Variants in THRB observed in about 807,000 individuals in gnomAD.
THRB encodes the protein thyroid hormone receptor beta.
A neutral mutation model predicts 47.8 loss-of-function variants in THRB; 12 were observed. The observed-to-expected ratio is 0.25, with a 90% CI of 0.16 to 0.41. The LOEUF (loss-of-function observed/expected upper bound fraction) is 0.41, where lower values mean the gene tolerates loss of function less well. THRB is among the 10% of genes least tolerant of loss of function. The pLI, the probability that THRB is intolerant of heterozygous loss-of-function variation, is 1.00. For missense variants in THRB, 348 were observed against 589.2 expected (o/e 0.59, Z 4.24); for synonymous variants, 218 against 212.2 (o/e 1.03, Z -0.24).
At chr3:24,381,246 T>C (rs191747795) in intron 1 of THRB, among the ~76,000 whole-genome samples, 3 of 152,138 alleles carry the variant, frequency 2.0e-5, no homozygotes, top group South Asian at 2.1e-4. Flanking sequence ...ATTTGAAAGA[T>C]TGTGGCCAAG....
Position 24,482,538 on chromosome 3 carries a change from CCTCT to C in THRB, c.-261+12110_-261+12113del, listed in dbSNP as rs10575358. ...TTCTTTCTTTCTTTCTTTCTGTCTC[CCTCT>C]CTCTCTCTCTCTCTCTCTCTCTCTC... is the stretch of plus-strand genomic sequence containing the variant. On this transcript the variant is annotated intron_variant, in intron 1 of 10. Transcript: ENST00000646209. Among the ~76,000 whole-genome samples, 1,249 of 130,882 alleles carry C rather than the reference CCTCT, an allele frequency of 9.5e-3. 11 individuals carry two copies. Among genetic ancestry groups the C allele is most frequent in the South Asian group, 0.031 (114 of 3,736 alleles). 85.9% of individuals were successfully genotyped at this position (130,882 alleles called of 152,430 possible). A position where few individuals can be genotyped will look rare whatever the true frequency, so the allele number is the denominator to read the frequency against.
At chr3:24,217,624 C>A (rs2046708616) in intron 4 of THRB, among the ~76,000 whole-genome samples, 1 of 151,930 alleles carries the variant, frequency 6.6e-6, no homozygotes. Flanking sequence ...TTAAGGGAAG[C>A]CAGTGCTTTT....
intron 3 of THRB, among the ~76,000 whole-genome samples, chr3:24,254,995 A>T (rs1365398448): frequency 6.6e-6 from 1 of 152,222 alleles, no homozygotes; most frequent in East Asian, 1.9e-4. Context: ...GTTAGGAAAC[A>T]TACTGCACTT....
chr3:24,250,122 G>T (rs76142383), intron 3 of THRB, among the ~76,000 whole-genome samples: 2,454 of 152,216 alleles, frequency 0.016, 57 homozygotes, highest in African/African-American at 0.055. Flanking sequence ...AATCCAGAAA[G>T]AAGAAATTAA....
Position 24,200,344 on chromosome 3 carries a change from G to A in THRB, c.23-10010C>T, listed in dbSNP as rs556925885. Among the ~76,000 whole-genome samples, 8 of 152,176 alleles carry A rather than the reference G, an allele frequency of 5.3e-5. No individual in the cohort carries two copies. The South Asian group carries it at 1.5e-3, about 28-fold the overall frequency. On this transcript the variant is annotated intron_variant, in intron 4 of 10. Transcript: ENST00000646209. ...CCCCTTTTCAGGGTAGAAAATACAC[G>A]TGAATCTTTTCTGACTTTGGAAACT...
chr3:24,370,134 G>A lies in THRB; in HGVS notation c.-260-32763C>T, dbSNP rs141181612. Among the ~76,000 whole-genome samples the A allele has an allele frequency of 7.2e-4, 110 of 152,166 alleles. 2 individuals are homozygous for A. Among genetic ancestry groups the A allele is most frequent in the African/African-American group, 2.5e-3 (104 of 41,526 alleles). ...CACATTTTTTAGGGGGATATTTTAC[G>A]ACTGAGACTGCTTAGAACGGGGCAT... is the stretch of plus-strand genomic sequence containing the variant. On this transcript the variant is annotated intron_variant, in intron 1 of 10. Coordinates refer to ENST00000646209, the MANE Select transcript of THRB (RefSeq NM_001354712.2).
intron 4 of THRB, among the ~76,000 whole-genome samples, chr3:24,210,422 TG>T (rs2045902038): frequency 6.6e-6 from 1 of 152,024 alleles, no homozygotes; most frequent in Non-Finnish European, 1.5e-5. Context: ...TTTTTTTTTT[TG>T]CTTCTGTGGG....
At chr3:24,177,200 G>A (rs1251477891) in intron 5 of THRB, among the ~76,000 whole-genome samples, 1 of 152,132 alleles carries the variant, frequency 6.6e-6, no homozygotes, top group Non-Finnish European at 1.5e-5. Context: ...CAAGTGTTAA[G>A]TGAACATGGA....
At chr3:24,369,255 T>C (rs2064729091) in intron 1 of THRB, among the ~76,000 whole-genome samples, 1 of 152,158 alleles carries the variant, frequency 6.6e-6, no homozygotes, top group South Asian at 2.1e-4. Context: ...ATCTACTATA[T>C]GAAACATATG....
intron 4 of THRB, among the ~76,000 whole-genome samples, chr3:24,204,951 G>C (rs2149776093): frequency 6.6e-6 from 1 of 152,190 alleles, no homozygotes; most frequent in South Asian, 2.1e-4. Context: ...GAAGTTTAGA[G>C]AAAAAAGAGT....
At chr3:24,199,459 G>A (rs1442121834) in intron 4 of THRB, among the ~76,000 whole-genome samples, 1 of 152,194 alleles carries the variant, frequency 6.6e-6, no homozygotes, top group Non-Finnish European at 1.5e-5. Flanking sequence ...TGCTATCACA[G>A]AGTGCTTCTC....
In THRB at chr3:24,204,852, G is replaced by A. The variant is rs185957185; in HGVS notation, c.23-14518C>T. Among the ~76,000 whole-genome samples the A allele has an allele frequency of 5.8e-3, 888 of 152,314 alleles. 8 individuals carry two copies. Among genetic ancestry groups the A allele is most frequent in the South Asian group, 0.026 (126 of 4,828 alleles). On this transcript the variant is annotated intron_variant, in intron 4 of 10. Coordinates refer to ENST00000646209, the MANE Select transcript of THRB (RefSeq NM_001354712.2). The stretch of plus-strand genomic sequence containing the variant: ...AACCATGGCGCAAGAACTACGTGAC[G>A]AATTCACAAGCTTCAGTAGCCGATT...
chr3:24,484,053 C>G (rs1696883998), intron 1 of THRB: 1 of 152,184 alleles, frequency 6.6e-6, no homozygotes. Flanking sequence ...AGAGCCATGT[C>G]CTGAAGATGG....
intron 1 of THRB, among the ~76,000 whole-genome samples, chr3:24,488,120 A>G (rs1289097968): frequency 6.6e-6 from 1 of 152,228 alleles, no homozygotes; most frequent in Non-Finnish European, 1.5e-5. Flanking sequence ...GGAGTCAAGT[A>G]AGTATATTCC....
intron 3 of THRB, among the ~76,000 whole-genome samples, chr3:24,245,722 G>A (rs2050045428): frequency 1.3e-5 from 2 of 152,090 alleles, no homozygotes; most frequent in African/African-American, 4.8e-5. Flanking sequence ...AGACCAGCCT[G>A]GCCAATATGG....
At chr3:24,441,817 T>C (rs2071555020) in intron 1 of THRB, among the ~76,000 whole-genome samples, 1 of 152,124 alleles carries the variant, frequency 6.6e-6, no homozygotes. Context: ...GAAAACCCTA[T>C]CTCACTCTAG....
At chr3:24,225,351 C>T (rs1028203953) in intron 4 of THRB, among the ~76,000 whole-genome samples, 3 of 152,124 alleles carry the variant, frequency 2.0e-5, no homozygotes, top group African/African-American at 7.2e-5. Flanking sequence ...AAGAAAATAC[C>T]TTCCCACAGT....
intron 5 of THRB, among the ~76,000 whole-genome samples, chr3:24,170,848 C>G (rs2040336514): frequency 6.6e-6 from 1 of 151,756 alleles, no homozygotes; most frequent in Non-Finnish European, 1.5e-5. Context: ...GCACCAAAAT[C>G]CATGTGCATT....
intron 1 of THRB, among the ~76,000 whole-genome samples, chr3:24,480,354 T>A (rs1010678434): frequency 2.0e-5 from 3 of 152,096 alleles, no homozygotes; most frequent in Admixed American, 6.5e-5. Flanking sequence ...AATTTTTCCA[T>A]CCCCAAAGTC....
Sources: gnomAD v4.1 joint callset for allele counts (sites outside exome capture counted in the v4.1 genomes callset) on GRCh38, gnomAD v4.1.1 for gene constraint, MANE v1.5 for transcripts, NCBI Gene and HGNC (gene_info 2026-07-23, HGNC 2026-07-21) for gene names.